Variants in TMPRSS13 observed in about 807,000 individuals in gnomAD.
TMPRSS13 encodes transmembrane serine protease 13, also known as transmembrane protease serine 13.
A neutral mutation model predicts 68.4 loss-of-function variants in TMPRSS13; 50 were observed. The observed-to-expected ratio is 0.73, with a 90% CI of 0.58 to 0.93. The LOEUF (loss-of-function observed/expected upper bound fraction) is 0.93, where lower values mean the gene tolerates loss of function less well. Ranked by LOEUF, TMPRSS13 falls within the 40% of genes least tolerant of loss-of-function variation. The pLI is 0.00. For synonymous variants in TMPRSS13, 267 were observed against 285.8 expected, an observed-to-expected ratio of 0.93 and a Z score of 0.66; for missense variants, 615 against 729.2, an observed-to-expected ratio of 0.84 and a Z score of 1.80.
intron 9 of TMPRSS13, 119 bp downstream of exon 9, chr11:117,908,493 C>A (rs913724306): frequency 1.8e-6 from 2 of 1,113,154 alleles, no homozygotes; most frequent in Admixed American, 2.1e-5. Flanking sequence ...GAGTCTTTGA[C>A]TTCTGCCCTG....
Position 117,902,120 on chromosome 11 carries a change from G to A in TMPRSS13, c.*119C>T, listed in dbSNP as rs187422020. On this transcript the variant is annotated 3_prime_UTR_variant, in exon 13 of 13. Transcript: ENST00000524993. ...CACACACACAGAGGCAGCAGACAGT[G>A]GAGGTGGGAGTCCGATGGTGCCCGG... The A allele has an allele frequency of 1.5e-3, 1,607 of 1,060,758 alleles. 22 individuals are homozygous for A. The African/African-American group carries it at 0.021, about 14-fold the overall frequency. 65.7% of individuals were successfully genotyped at this position (1,060,758 alleles called of 1,614,324 possible). A position where few individuals can be genotyped will look rare whatever the true frequency, so the allele number is the denominator to read the frequency against.
chr11:117,926,451 A>G (rs1360905404), intron 1 of TMPRSS13, among the ~76,000 whole-genome samples: 1 of 152,148 alleles, frequency 6.6e-6, no homozygotes, highest in Non-Finnish European at 1.5e-5. Context: ...GGGCCCCCAG[A>G]CGGTTCTCAC....
At position 117,917,158 on chromosome 11, in the gene TMPRSS13, C is replaced by T. The variant is rs757149007; in HGVS notation, c.556+12G>A. 2.3e-5 allele frequency: 37 copies of T among 1,607,230 alleles called. No homozygotes were observed. Among genetic ancestry groups the T allele is most frequent in the Non-Finnish European group, 3.0e-5 (35 of 1,177,498 alleles). On this transcript the variant is annotated intron_variant, in intron 3 of 12. Transcript: ENST00000524993. Reference sequence around the variant, plus strand: ...GCCCAGAACCCACCCCTGCACCCTCCATTCAACTCACAGAGGATGATGAGC... The same window carrying T: ...GCCCAGAACCCACCCCTGCACCCTCTATTCAACTCACAGAGGATGATGAGC...
Position 117,918,375 on chromosome 11 carries a change from A to G in TMPRSS13, c.451+34T>C. On this transcript the variant is annotated intron_variant, in intron 2 of 12. Coordinates refer to ENST00000524993, the MANE Select transcript of TMPRSS13 (RefSeq NM_001077263.3). Reference sequence around the variant, plus strand: ...CCTCCCTGCCCATGGGCTGCTTCCCATCTCTCGTGGCTTCCCTACAGCATC... The same window carrying G: ...CCTCCCTGCCCATGGGCTGCTTCCCGTCTCTCGTGGCTTCCCTACAGCATC... 5 of 1,600,992 alleles carry G rather than the reference A, an allele frequency of 3.1e-6. 1 individual carries two copies. The South Asian group carries it at 5.5e-5, about 18-fold the overall frequency.
At position 117,918,532 on chromosome 11, in the gene TMPRSS13, C is replaced by CTGACCTGGCGGATGA; in HGVS notation, c.313_327dup (p.Ser105_Ser109dup). On this transcript the variant is annotated inframe_insertion, in exon 2 of 13. Transcript: ENST00000524993. ...CTGGTTGGGGAGGTTGTCACCGAGG[C>CTGACCTGGCGGATGA]TGACCTGGCGGATGATGACCTGCCG... 6.2e-7 allele frequency: 1 copy of CTGACCTGGCGGATGA among 1,614,248 alleles called. No homozygotes were observed. The highest frequency in any genetic ancestry group is 1.3e-5 in the African/African-American group (1 of 75,070).
chr11:117,915,951 G>A lies in TMPRSS13; in HGVS notation c.556+1219C>T, dbSNP rs184114343. ...CCACCCCACCCAGTCAGACTGGTGG[G>A]GAAACTGAGGCTCAGAATGTTAATG... On this transcript the variant is annotated intron_variant, in intron 3 of 12. Coordinates refer to ENST00000524993, the MANE Select transcript of TMPRSS13 (RefSeq NM_001077263.3). This position sits in a 1 kb window ranked among gnomAD's most constrained non-coding sequence, Gnocchi z 4.9. 6.6e-6 allele frequency among the ~76,000 whole-genome samples: 1 copy of A among 152,248 alleles called. No homozygotes were observed. The highest frequency in any genetic ancestry group is 1.9e-4 in the East Asian group (1 of 5,168).
intron 1 of TMPRSS13, among the ~76,000 whole-genome samples, chr11:117,926,948 C>T (rs541262363): frequency 6.6e-6 from 1 of 152,244 alleles, no homozygotes; most frequent in Non-Finnish European, 1.5e-5. Flanking sequence ...TATTTTGAGA[C>T]TCCTTGAGGT....
In TMPRSS13 at chr11:117,909,907, C is replaced by A. The variant is rs766892428; in HGVS notation, c.1008G>T (p.Lys336Asn). The A allele has an allele frequency of 6.2e-7, 1 of 1,614,224 alleles. No individual in the cohort carries two copies. Among genetic ancestry groups the A allele is most frequent in the South Asian group, 1.1e-5 (1 of 91,090 alleles). Residue 336 changes from lysine to asparagine, a missense_variant, in exon 8 of 13, where the codon AAG becomes AAT. Coordinates refer to ENST00000524993, the MANE Select transcript of TMPRSS13 (RefSeq NM_001077263.3). Reference protein sequence around the residue: ...IVGGALASDSKWPWQVSLHFG... With the variant: ...IVGGALASDSNWPWQVSLHFG... ...AGTGCAGACTCACTTGCCAAGGCCA[C>A]TTGCTATCCGAGGCCAGCGCCCCTC...
rs2057411312 is a variant in TMPRSS13 at position 117,901,612 on chromosome 11, T to C, written c.*627A>G. 6.6e-6 allele frequency: 1 copy of C among 152,226 alleles called. No homozygotes were observed. Among genetic ancestry groups the C allele is most frequent in the Non-Finnish European group, 1.5e-5 (1 of 68,052 alleles). The allele number at this position is 152,226 out of a possible 1,614,324, so 9.4% of individuals were successfully genotyped here. On this transcript the variant is annotated 3_prime_UTR_variant, in exon 13 of 13. Coordinates refer to ENST00000524993, the MANE Select transcript of TMPRSS13 (RefSeq NM_001077263.3). Reference sequence around the variant, plus strand: ...TAAAATAAAACCCGCCCCAGCAGCTTGTGACCAAATGAGTACAGTGAATCC... The same window carrying C: ...TAAAATAAAACCCGCCCCAGCAGCTCGTGACCAAATGAGTACAGTGAATCC...
At chr11:117,928,957 T>C (rs546004653) in intron 1 of TMPRSS13, among the ~76,000 whole-genome samples, 1 of 152,216 alleles carries the variant, frequency 6.6e-6, no homozygotes, top group East Asian at 1.9e-4. Flanking sequence ...GGATTCCCAA[T>C]CGGCAAAGTT....
chr11:117,921,592 A>T (rs112301591), intron 1 of TMPRSS13, among the ~76,000 whole-genome samples: 2,264 of 152,296 alleles, frequency 0.015, 32 homozygotes, highest in Non-Finnish European at 0.024. Flanking sequence ...AGGAGAAGGG[A>T]GTCAGACCAG....
chr11:117,918,381 C>A, intron 2 of TMPRSS13, 28 bp downstream of exon 2: 2 of 1,606,180 alleles, frequency 1.2e-6, no homozygotes, highest in Non-Finnish European at 1.7e-6. Context: ...TCCCATCTCT[C>A]GTGGCTTCCC....
At chr11:117,904,861 T>C (rs868468358) in intron 10 of TMPRSS13, among the ~76,000 whole-genome samples, 2 of 100,672 alleles carry the variant, frequency 2.0e-5, no homozygotes, top group Non-Finnish European at 4.4e-5. Context: ...CTAGATAAGA[T>C]TATATATATA....
intron 1 of TMPRSS13, among the ~76,000 whole-genome samples, chr11:117,924,561 C>T (rs960608946): frequency 2.6e-5 from 4 of 152,150 alleles, no homozygotes; most frequent in Admixed American, 6.5e-5. Context: ...GAAGCACTGG[C>T]GGCACTGAGA....
intron 5 of TMPRSS13, 59 bp downstream of exon 5, chr11:117,913,718 C>T (rs992746384): frequency 1.3e-6 from 2 of 1,593,134 alleles, no homozygotes; most frequent in South Asian, 1.1e-5. Flanking sequence ...CTTGAGACAC[C>T]CTATGAAGAG....
At position 117,902,001 on chromosome 11, in the gene TMPRSS13, TG is replaced by T. The variant is rs2057413581; in HGVS notation, c.*237del. The T allele has an allele frequency of 2.2e-5, 13 of 589,520 alleles. No individual in the cohort carries two copies. The highest frequency in any genetic ancestry group is 1.4e-4 in the South Asian group (7 of 51,220). 36.5% of individuals were successfully genotyped at this position (589,520 alleles called of 1,614,324 possible). On this transcript the variant is annotated 3_prime_UTR_variant, in exon 13 of 13. Coordinates refer to ENST00000524993, the MANE Select transcript of TMPRSS13 (RefSeq NM_001077263.3). ...TCTTGTCTCCAGGTAATTTCCAGCC[TG>T]GGATTTTGAGAAGAGTTGACAGCTC...
chr11:117,921,358 A>G (rs1237825287), intron 1 of TMPRSS13, among the ~76,000 whole-genome samples: 2 of 152,196 alleles, frequency 1.3e-5, no homozygotes, highest in Non-Finnish European at 2.9e-5. Flanking sequence ...TTTGTACACA[A>G]GGACCCGGGG....
intron 7 of TMPRSS13, chr11:117,910,477 G>A (rs11216616): frequency 0.14 from 71,008 of 505,210 alleles, 6,104 homozygotes; most frequent in Non-Finnish European, 0.18. Context: ...CAGCTTCCTT[G>A]GAATAAAAGG....
chr11:117,926,416 G>C (rs2057708235), intron 1 of TMPRSS13, among the ~76,000 whole-genome samples: 2 of 152,184 alleles, frequency 1.3e-5, no homozygotes, highest in African/African-American at 4.8e-5. Context: ...CCTCTGGAAA[G>C]GGTGCCTTAT....
Sources: gnomAD v4.1 joint callset for allele counts (sites outside exome capture counted in the v4.1 genomes callset) on GRCh38, gnomAD v4.1.1 for gene constraint, Gnocchi (gnomAD v3.1) non-coding constraint, MANE v1.5 for transcripts, NCBI Gene and HGNC (gene_info 2026-07-23, HGNC 2026-07-21) for gene names.